MYO9A: variants seen among roughly 807,000 people sequenced by gnomAD.
MYO9A encodes the protein myosin IXA, also known as unconventional myosin-IXa.
In MYO9A, 103 loss-of-function variants were observed where a neutral mutation model predicts 293.3. That is an observed-to-expected ratio of 0.35 (90% confidence interval 0.30 to 0.41). The LOEUF (loss-of-function observed/expected upper bound fraction) is 0.41, where lower values mean the gene tolerates loss of function less well. MYO9A is among the 10% of genes least tolerant of loss of function. MYO9A has a pLI of 1.00. For synonymous variants in MYO9A, 1,001 were observed against 1,035.7 expected (o/e 0.97, Z 0.64); for missense variants, 2,685 against 3,033.0 (o/e 0.89, Z 2.69).
intron 12 of MYO9A, among the ~76,000 whole-genome samples, chr15:71,975,685 A>G (rs769470145): frequency 6.6e-6 from 1 of 151,956 alleles, no homozygotes; most frequent in Non-Finnish European, 1.5e-5. Context: ...CCTGCCCCAT[A>G]CTCTGAAGGA....
intron 1 of MYO9A, among the ~76,000 whole-genome samples, chr15:72,049,945 T>C (rs1167209454): frequency 6.6e-6 from 1 of 152,162 alleles, no homozygotes; most frequent in Non-Finnish European, 1.5e-5. Context: ...GAAGTAAACT[T>C]AGAAACATCT....
intron 1 of MYO9A, among the ~76,000 whole-genome samples, chr15:72,061,004 G>A (rs989200195): frequency 2.0e-5 from 3 of 152,142 alleles, no homozygotes; most frequent in Non-Finnish European, 2.9e-5. Context: ...ATACAGTAAA[G>A]CACCAAGCAC....
chr15:71,866,564 C>A (rs2056333720), intron 32 of MYO9A, among the ~76,000 whole-genome samples: 1 of 151,470 alleles, frequency 6.6e-6, no homozygotes, highest in African/African-American at 2.4e-5. Flanking sequence ...CACTTTAAAA[C>A]CCTCTTGAAG....
At chr15:72,012,501 T>C (rs1007383234) in intron 6 of MYO9A, among the ~76,000 whole-genome samples, 7 of 152,120 alleles carry the variant, frequency 4.6e-5, no homozygotes, top group African/African-American at 1.7e-4. Flanking sequence ...TTTTACCACA[T>C]TGGCCAGGCT....
chr15:72,081,104 G>A (rs1048679587), intron 1 of MYO9A, among the ~76,000 whole-genome samples: 2 of 152,134 alleles, frequency 1.3e-5, no homozygotes, highest in African/African-American at 4.8e-5. Flanking sequence ...TTGCTGGGTT[G>A]AATGGTAGTT....
chr15:72,107,981 G>A (rs1203242128), intron 1 of MYO9A, among the ~76,000 whole-genome samples: 2 of 151,940 alleles, frequency 1.3e-5, no homozygotes, highest in East Asian at 1.9e-4. Context: ...GTTGATAAAG[G>A]TTACAAAGCT....
chr15:72,096,802 A>T (rs960160390), intron 1 of MYO9A, among the ~76,000 whole-genome samples: 1 of 152,138 alleles, frequency 6.6e-6, no homozygotes, highest in Admixed American at 6.5e-5. Flanking sequence ...CATTAACAGG[A>T]GTTTGGAAGA....
intron 11 of MYO9A, among the ~76,000 whole-genome samples, chr15:71,986,222 G>C (rs1013413255): frequency 1.3e-5 from 2 of 152,194 alleles, no homozygotes; most frequent in African/African-American, 2.4e-5. Context: ...ATGATCTAAA[G>C]TATACTGGAG....
At chr15:72,027,589 G>T in intron 4 of MYO9A, 142 bp downstream of exon 4, 1 of 619,196 alleles carries the variant, frequency 1.6e-6, no homozygotes, top group Non-Finnish European at 2.8e-6. Flanking sequence ...GCAAAGTTCT[G>T]CCCATGACAG....
In MYO9A at chr15:71,889,067, C is replaced by T. The variant is rs532075419; in HGVS notation, c.5143-951G>A. Among the ~76,000 whole-genome samples, 131 of 152,196 alleles carry T rather than the reference C, an allele frequency of 8.6e-4. 1 individual carries two copies. The highest frequency in any genetic ancestry group is 3.0e-3 in the African/African-American group (123 of 41,554). ...GAACCCAGGTGAAACTTGACAGACTCTAAGTGGAACACATGAAGCTGAAAG... is the reference window on the plus strand; with the variant it reads ...GAACCCAGGTGAAACTTGACAGACTTTAAGTGGAACACATGAAGCTGAAAG... On this transcript the variant is annotated intron_variant, in intron 26 of 41. Transcript: ENST00000356056.
rs1351138952 is a variant in MYO9A, at chr15:72,118,125, G to A, written c.-517C>T. The A allele has an allele frequency of 1.1e-5, 4 of 380,850 alleles. No homozygotes were observed. The highest frequency in any genetic ancestry group is 1.4e-4 in the South Asian group (1 of 7,220). The allele number at this position is 380,850 out of a possible 1,614,324, so 23.6% of individuals were successfully genotyped here. On this transcript the variant is annotated 5_prime_UTR_variant, in exon 1 of 42. Transcript: ENST00000356056. ...GCGGCCCCGCCCCGCGCGACTCCCC[G>A]GCTGCAGGCGAGCAGGCGCGCGCGC...
At chr15:71,897,325 T>C (rs2057358292) in intron 25 of MYO9A, 136 bp downstream of exon 25, 1 of 927,702 alleles carries the variant, frequency 1.1e-6, no homozygotes, top group Non-Finnish European at 1.6e-6. Flanking sequence ...AGTCAACAAT[T>C]AGGGAATATT....
At chr15:72,047,062 A>T (rs2078406988) in intron 1 of MYO9A, among the ~76,000 whole-genome samples, 1 of 152,254 alleles carries the variant, frequency 6.6e-6, no homozygotes, top group South Asian at 2.1e-4. Context: ...ACAAGAAAGC[A>T]TCCCAACAAT....
At position 72,030,015 on chromosome 15, in the gene MYO9A, C is replaced by T. The variant is rs113962122; in HGVS notation, c.936-2222G>A. Among the ~76,000 whole-genome samples, 1,358 of 152,334 alleles carry T rather than the reference C, an allele frequency of 8.9e-3. 25 individuals are homozygous for T. Among genetic ancestry groups the T allele is most frequent in the African/African-American group, 0.031 (1,296 of 41,576 alleles). Reference sequence around the variant, plus strand: ...TGCACTGCTCACTTTCTTCCTCCCACTTCCAATTCCCTAGTCTATTCCCAG... The same window carrying T: ...TGCACTGCTCACTTTCTTCCTCCCATTTCCAATTCCCTAGTCTATTCCCAG... On this transcript the variant is annotated intron_variant, in intron 3 of 41. Transcript: ENST00000356056.
chr15:72,040,474 G>A (rs1044857710), intron 2 of MYO9A, among the ~76,000 whole-genome samples: 4 of 152,168 alleles, frequency 2.6e-5, no homozygotes, highest in African/African-American at 9.7e-5. Context: ...GAGGTGAACA[G>A]CCTGTTAGGA....
Position 71,897,897 on chromosome 15 carries a change from G to C in MYO9A, c.4606C>G (p.Pro1536Ala), listed in dbSNP as rs1489389690. 8 of 1,613,954 alleles carry C rather than the reference G, an allele frequency of 5.0e-6. No individual in the cohort carries two copies. The highest frequency in any genetic ancestry group is 6.8e-6 in the Non-Finnish European group (8 of 1,180,018). Residue 1536 changes from proline (P) to alanine (A), a missense_variant, in exon 25 of 42, where the codon CCA (proline) becomes GCA (alanine). Pro to Ala is a conservative substitution (Grantham distance 27, BLOSUM62 -1). This residue lies in a region of MYO9A where 1,434 missense variants were observed against 1,497.7 expected (regional missense o/e 0.96). Coordinates refer to ENST00000356056, the MANE Select transcript of MYO9A (RefSeq NM_006901.4). ...GCCACCAAACACTCTCCAATTCTTGGCTTTTCAATTGTCTTGAAGGCTTTG... is the reference window on the plus strand; with the variant it reads ...GCCACCAAACACTCTCCAATTCTTGCCTTTTCAATTGTCTTGAAGGCTTTG... ...ERKAFKTIEK[P>A]RIGECLVAPS...
chr15:72,017,398 A>G (rs2077376617), intron 6 of MYO9A, among the ~76,000 whole-genome samples: 1 of 152,138 alleles, frequency 6.6e-6, no homozygotes, highest in Non-Finnish European at 1.5e-5. Context: ...ACAGATGATC[A>G]AGTCTTCTAT....
At chr15:71,838,804 C>T (rs1225612451) in intron 39 of MYO9A, among the ~76,000 whole-genome samples, 1 of 152,132 alleles carries the variant, frequency 6.6e-6, no homozygotes, top group Admixed American at 6.6e-5. Flanking sequence ...CATTATTAGG[C>T]TTATAGAGAG....
chr15:72,028,234 T>TATATAA (rs1346371703), intron 3 of MYO9A, among the ~76,000 whole-genome samples: 1 of 145,600 alleles, frequency 6.9e-6, no homozygotes, highest in East Asian at 2.0e-4. Context: ...TATATATATA[T>TATATAA]ATATAAATAT....
Sources: gnomAD v4.1 joint callset for allele counts (sites outside exome capture counted in the v4.1 genomes callset) on GRCh38, gnomAD v4.1.1 for gene constraint, gnomAD v4.1.1 regional missense constraint, MANE v1.5 for transcripts, NCBI Gene and HGNC (gene_info 2026-07-23, HGNC 2026-07-21) for gene names.